The following ROBO2 variants were observed in gnomAD, a reference collection of about 807,000 sequenced individuals.
The protein encoded by ROBO2 is roundabout homolog 2.
ROBO2 carries 53 observed loss-of-function variants against 160.8 expected under a neutral mutation model. That is an observed-to-expected ratio of 0.33 (90% confidence interval 0.26 to 0.41). The LOEUF (loss-of-function observed/expected upper bound fraction) is 0.41. Among genes scored for constraint, ROBO2 ranks in the 10% least tolerant of loss-of-function variants. The probability of loss-of-function intolerance (pLI) is 1.00; values close to 1 mark genes in which losing one functional copy is unlikely to be tolerated. For missense variants in ROBO2, 1,577 were observed against 1,722.4 expected (o/e 0.92, Z 1.49); for synonymous variants, 664 against 611.7 (o/e 1.09, Z -1.26).
At chr3:76,403,719 G>C (rs13096564) in intron 2 of ROBO2, among the ~76,000 whole-genome samples, 7,939 of 151,642 alleles carry the variant, frequency 0.052, 326 homozygotes, top group Non-Finnish European at 0.079. Context: ...TTGCTTGTTA[G>C]TTGTATTGAG....
At chr3:77,406,935 T>A (rs1047776674) in intron 2 of ROBO2, among the ~76,000 whole-genome samples, 4 of 152,200 alleles carry the variant, frequency 2.6e-5, no homozygotes, top group African/African-American at 9.6e-5. Context: ...CAGGTTGCAC[T>A]AATGAGATTT....
At chr3:77,474,271 A>G (rs1294764756) in intron 2 of ROBO2, among the ~76,000 whole-genome samples, 1 of 152,156 alleles carries the variant, frequency 6.6e-6, no homozygotes, top group African/African-American at 2.4e-5. Flanking sequence ...AAGCATTGGT[A>G]TACCATAGCG....
chr3:76,389,968 T>G (rs1400885332), intron 2 of ROBO2, among the ~76,000 whole-genome samples: 1 of 152,160 alleles, frequency 6.6e-6, no homozygotes, highest in Non-Finnish European at 1.5e-5. Context: ...GAAAGCAAAT[T>G]GCAGTCATTC....
intron 2 of ROBO2, among the ~76,000 whole-genome samples, chr3:76,162,708 A>G (rs543050525): frequency 6.6e-6 from 1 of 152,124 alleles, no homozygotes; most frequent in Non-Finnish European, 1.5e-5. Flanking sequence ...GTAACTATTC[A>G]TATTTTAGAG....
At chr3:76,278,545 C>A (rs958380805) in intron 2 of ROBO2, among the ~76,000 whole-genome samples, 2 of 152,082 alleles carry the variant, frequency 1.3e-5, no homozygotes, top group Non-Finnish European at 2.9e-5. Flanking sequence ...GGAACGGAAG[C>A]TTTTGAGGAG....
chr3:75,975,723 T>C (rs1437227512), intron 2 of ROBO2, among the ~76,000 whole-genome samples: 1 of 151,608 alleles, frequency 6.6e-6, no homozygotes, highest in Non-Finnish European at 1.5e-5. Context: ...CATAACCATA[T>C]AGAAATAGTG....
intron 2 of ROBO2, among the ~76,000 whole-genome samples, chr3:76,210,635 T>G (rs1368401054): frequency 6.6e-6 from 1 of 152,154 alleles, no homozygotes; most frequent in African/African-American, 2.4e-5. Flanking sequence ...TGAAAAATTC[T>G]ATCTAGCTTT....
chr3:76,970,710 T>C (rs1168611543), intron 2 of ROBO2, among the ~76,000 whole-genome samples: 1 of 152,198 alleles, frequency 6.6e-6, no homozygotes, highest in Admixed American at 6.5e-5. Context: ...GGTAAAATGA[T>C]AATAAACCAA....
intron 2 of ROBO2, among the ~76,000 whole-genome samples, chr3:76,126,258 A>G (rs942353886): frequency 6.6e-5 from 10 of 152,280 alleles, no homozygotes; most frequent in Admixed American, 5.2e-4. Context: ...AGGAGTGTCA[A>G]TAGAGACCAG....
chr3:77,183,179 A>G (rs1334616578), intron 2 of ROBO2, among the ~76,000 whole-genome samples: 1 of 152,062 alleles, frequency 6.6e-6, no homozygotes. Flanking sequence ...TAGCCTCCAA[A>G]GCTGAAACGT....
chr3:77,297,567 C>T (rs1255212483), intron 2 of ROBO2, among the ~76,000 whole-genome samples: 3 of 152,132 alleles, frequency 2.0e-5, no homozygotes, highest in African/African-American at 7.2e-5. Flanking sequence ...GAAACCTTGC[C>T]TCCTCTGGAA....
At chr3:75,933,961 A>G (rs970116850) in intron 1 of ROBO2, among the ~76,000 whole-genome samples, 1 of 152,184 alleles carries the variant, frequency 6.6e-6, no homozygotes, top group East Asian at 1.9e-4. Flanking sequence ...GCTCCATCGG[A>G]CAACTACCTG....
intron 2 of ROBO2, among the ~76,000 whole-genome samples, chr3:76,475,209 A>C (rs370617551): frequency 6.6e-6 from 1 of 152,146 alleles, no homozygotes; most frequent in Non-Finnish European, 1.5e-5. Flanking sequence ...AAAAAATAAA[A>C]TAGAGAGTAA....
chr3:76,661,539 G>A (rs769097167), intron 2 of ROBO2, among the ~76,000 whole-genome samples: 55 of 152,152 alleles, frequency 3.6e-4, no homozygotes, highest in Admixed American at 1.0e-3. Context: ...ATCAATAGAC[G>A]TAAGGTGTAC....
intron 2 of ROBO2, among the ~76,000 whole-genome samples, chr3:76,442,654 T>C (rs1452280431): frequency 1.3e-5 from 2 of 152,250 alleles, no homozygotes; most frequent in Non-Finnish European, 2.9e-5. Flanking sequence ...GGTTTCAAAT[T>C]GCATGCTCTT....
chr3:77,188,596 G>C (rs1307575561), intron 2 of ROBO2, among the ~76,000 whole-genome samples: 1 of 151,836 alleles, frequency 6.6e-6, no homozygotes, highest in Non-Finnish European at 1.5e-5. Context: ...GCCAGTAAAA[G>C]TAAATGTCTA....
intron 7 of ROBO2, among the ~76,000 whole-genome samples, chr3:77,548,019 C>T (rs2092768267): frequency 6.6e-6 from 1 of 150,818 alleles, no homozygotes; most frequent in Non-Finnish European, 1.5e-5. Flanking sequence ...ACACACATAC[C>T]ACACACATAC....
chr3:76,460,240 A>C (rs911981625), intron 2 of ROBO2, among the ~76,000 whole-genome samples: 1 of 152,166 alleles, frequency 6.6e-6, no homozygotes, highest in Non-Finnish European at 1.5e-5. Flanking sequence ...CAGAAAAAAA[A>C]ATAGGAAACC....
At chr3:76,109,112 A>G (rs955295862) in intron 2 of ROBO2, among the ~76,000 whole-genome samples, 2 of 152,034 alleles carry the variant, frequency 1.3e-5, no homozygotes, top group Non-Finnish European at 2.9e-5. Flanking sequence ...AATTATTGCT[A>G]GAAGTTTCTG....
Sources: gnomAD v4.1 joint callset for allele counts (sites outside exome capture counted in the v4.1 genomes callset) on GRCh38, gnomAD v4.1.1 for gene constraint, MANE v1.5 for transcripts, NCBI Gene and HGNC (gene_info 2026-07-23, HGNC 2026-07-21) for gene names.